Variants in TNIK observed in about 807,000 individuals in gnomAD.
The protein encoded by TNIK is TRAF2 and NCK interacting kinase.
Under a neutral mutation model 191.3 loss-of-function variants are expected in TNIK, and 49 were observed. That is an observed-to-expected ratio of 0.26 (90% CI 0.20 to 0.32). The LOEUF is 0.32. Ranked by LOEUF, TNIK falls within the 10% of genes least tolerant of loss-of-function variation. The probability of loss-of-function intolerance (pLI) is 1.00; values close to 1 mark genes in which losing one functional copy is unlikely to be tolerated. For synonymous variants in TNIK, 594 were observed against 600.9 expected, an observed-to-expected ratio of 0.99 and a Z score of 0.17; for missense variants, 1,155 against 1,702.3, an observed-to-expected ratio of 0.68 and a Z score of 5.66.
At chr3:171,346,416 C>A (rs969998589) in intron 2 of TNIK, among the ~76,000 whole-genome samples, 2 of 152,100 alleles carry the variant, frequency 1.3e-5, no homozygotes, top group Non-Finnish European at 2.9e-5. Context: ...TTCATATACA[C>A]CTTGCGCATG....
intron 14 of TNIK, 98 bp downstream of exon 14, chr3:171,139,372 A>G (rs968762371): frequency 1.1e-5 from 8 of 730,518 alleles, no homozygotes; most frequent in Middle Eastern, 4.8e-4. Flanking sequence ...GGACACACGC[A>G]CGCGCGCACA....
Position 171,061,094 on chromosome 3 carries a change from A to G in TNIK, c.*2787T>C, listed in dbSNP as rs906345006. Among the ~76,000 whole-genome samples, 7 of 152,298 alleles carry G rather than the reference A, an allele frequency of 4.6e-5. No homozygotes were observed. The highest frequency in any genetic ancestry group is 1.7e-4 in the African/African-American group (7 of 41,580). On this transcript the variant is annotated 3_prime_UTR_variant, in exon 33 of 33. Transcript: ENST00000436636. ...CCCTACCCCCAAAAAGAATTAAGGCAATTCAGAAAGTTTGGATGAGCCACA... is the reference window on the plus strand; with the variant it reads ...CCCTACCCCCAAAAAGAATTAAGGCGATTCAGAAAGTTTGGATGAGCCACA...
intron 1 of TNIK, among the ~76,000 whole-genome samples, chr3:171,443,118 G>C (rs1345168568): frequency 6.6e-6 from 1 of 152,138 alleles, no homozygotes; most frequent in Non-Finnish European, 1.5e-5. Context: ...TCTCTAACTG[G>C]TGCTGGAGCT....
In TNIK at chr3:171,324,446, C is replaced by T. The variant is rs540404374; in HGVS notation, c.123+45174G>A. 2.0e-5 allele frequency among the ~76,000 whole-genome samples: 3 copies of T among 152,196 alleles called. No homozygotes were observed. The South Asian group carries it at 6.2e-4, about 32-fold the overall frequency. On this transcript the variant is annotated intron_variant, in intron 2 of 32. Transcript: ENST00000436636. ...GAAAGAACAAAATGACTTTACATGG[C>T]TGCTACTAGGTTTCTGTTATTTTCA...
At chr3:171,119,119 C>G (rs1213464920) in intron 18 of TNIK, among the ~76,000 whole-genome samples, 1 of 152,092 alleles carries the variant, frequency 6.6e-6, no homozygotes, top group Non-Finnish European at 1.5e-5. Context: ...ACCCCATCAA[C>G]AAGTGGGCAA....
At chr3:171,282,078 AT>A (rs920415088) in intron 2 of TNIK, among the ~76,000 whole-genome samples, 9 of 152,228 alleles carry the variant, frequency 5.9e-5, no homozygotes, top group Admixed American at 2.6e-4. Flanking sequence ...AATCTAGAGA[AT>A]GAATTTTGGG....
chr3:171,077,076 C>G (rs887948188), intron 28 of TNIK, among the ~76,000 whole-genome samples: 1 of 141,348 alleles, frequency 7.1e-6, no homozygotes, highest in Admixed American at 7.1e-5. Context: ...CTTGTTCCCC[C>G]CCCCCTTTTT....
At chr3:171,204,462 C>A (rs959645616) in intron 4 of TNIK, among the ~76,000 whole-genome samples, 5 of 152,188 alleles carry the variant, frequency 3.3e-5, no homozygotes, top group African/African-American at 1.2e-4. Context: ...AGTCTGAATA[C>A]AGAGAATAAA....
chr3:171,348,687 G>T (rs145049299), intron 2 of TNIK, among the ~76,000 whole-genome samples: 5 of 151,914 alleles, frequency 3.3e-5, no homozygotes, highest in Admixed American at 6.6e-5. Context: ...AGGGGCCCAC[G>T]GAGGCAAAAA....
At chr3:171,196,638 C>T (rs1463971668) in intron 4 of TNIK, among the ~76,000 whole-genome samples, 1 of 152,172 alleles carries the variant, frequency 6.6e-6, no homozygotes. Context: ...CACTTAGATA[C>T]ACCAACAAAT....
At chr3:171,228,063 T>C (rs865877202) in intron 3 of TNIK, 102 bp downstream of exon 3, 1 of 1,336,612 alleles carries the variant, frequency 7.5e-7, no homozygotes, top group Middle Eastern at 1.8e-4. Context: ...ATTTTCAACT[T>C]AACAATATTT....
At chr3:171,112,619 A>G (rs958850993) in intron 18 of TNIK, among the ~76,000 whole-genome samples, 1 of 152,230 alleles carries the variant, frequency 6.6e-6, no homozygotes, top group Admixed American at 6.5e-5. Context: ...TCACAGAAAC[A>G]ATAGAATGAG....
intron 32 of TNIK, among the ~76,000 whole-genome samples, chr3:171,064,552 A>G (rs1467381391): frequency 1.3e-5 from 2 of 152,210 alleles, no homozygotes; most frequent in African/African-American, 2.4e-5. Context: ...GAGTTAACGC[A>G]TGGTTTCTCT....
At chr3:171,094,938 G>A (rs1424185337) in intron 22 of TNIK, among the ~76,000 whole-genome samples, 2 of 152,010 alleles carry the variant, frequency 1.3e-5, no homozygotes, top group Non-Finnish European at 1.5e-5. Context: ...ACCCAGCCTA[G>A]AGTTGTCACA....
At chr3:171,255,049 A>G (rs1413149878) in intron 2 of TNIK, among the ~76,000 whole-genome samples, 1 of 152,244 alleles carries the variant, frequency 6.6e-6, no homozygotes, top group Non-Finnish European at 1.5e-5. Flanking sequence ...AAAATCACTT[A>G]GAATTTTCAG....
chr3:171,090,853 G>C (rs1260974295), intron 23 of TNIK, among the ~76,000 whole-genome samples: 2 of 152,178 alleles, frequency 1.3e-5, no homozygotes, highest in African/African-American at 2.4e-5. Context: ...ATGAGTGTTA[G>C]AGTGGTATGT....
intron 2 of TNIK, among the ~76,000 whole-genome samples, chr3:171,288,508 C>G (rs558003409): frequency 1.3e-5 from 2 of 152,154 alleles, no homozygotes; most frequent in Admixed American, 6.6e-5. Flanking sequence ...AATTATGCTG[C>G]TTCAAGAAGT....
At chr3:171,146,718 C>G (rs992327353) in intron 12 of TNIK, among the ~76,000 whole-genome samples, 1 of 151,932 alleles carries the variant, frequency 6.6e-6, no homozygotes, top group Non-Finnish European at 1.5e-5. Context: ...GGTGAAAACC[C>G]GTCTCTACTA....
intron 1 of TNIK, among the ~76,000 whole-genome samples, chr3:171,384,689 A>T (rs58535622): frequency 2.6e-5 from 4 of 152,244 alleles, no homozygotes; most frequent in Non-Finnish European, 5.9e-5. Context: ...TAAAGGATTC[A>T]GATATTTATG....
Sources: gnomAD v4.1 joint callset for allele counts (sites outside exome capture counted in the v4.1 genomes callset) on GRCh38, gnomAD v4.1.1 for gene constraint, MANE v1.5 for transcripts, NCBI Gene and HGNC (gene_info 2026-07-23, HGNC 2026-07-21) for gene names.